The following ROBO2 variants were observed in gnomAD, a reference collection of about 807,000 sequenced individuals.
ROBO2 encodes roundabout homolog 2.
A neutral mutation model predicts 160.8 loss-of-function variants in ROBO2; 53 were observed. That is an observed-to-expected ratio of 0.33 (90% confidence interval 0.26 to 0.41). The LOEUF (loss-of-function observed/expected upper bound fraction) is 0.41. Among genes scored for constraint, ROBO2 ranks in the 10% least tolerant of loss-of-function variants. The pLI is 1.00. For missense variants in ROBO2, 1,577 were observed against 1,722.4 expected (o/e 0.92, Z 1.49); for synonymous variants, 664 against 611.7 (o/e 1.09, Z -1.26).
At chr3:77,329,270 C>G (rs1266506303) in intron 2 of ROBO2, among the ~76,000 whole-genome samples, 1 of 152,206 alleles carries the variant, frequency 6.6e-6, no homozygotes, top group African/African-American at 2.4e-5. Flanking sequence ...GTAAGATCTT[C>G]TAGACGGATA....
chr3:76,486,672 A>G (rs1435661864), intron 2 of ROBO2, among the ~76,000 whole-genome samples: 1 of 152,156 alleles, frequency 6.6e-6, no homozygotes, highest in Non-Finnish European at 1.5e-5. Context: ...TAAATGTATG[A>G]GGGCAAATTC....
At chr3:77,603,342 A>T (rs2094467292) in intron 20 of ROBO2, among the ~76,000 whole-genome samples, 1 of 152,204 alleles carries the variant, frequency 6.6e-6, no homozygotes, top group Non-Finnish European at 1.5e-5. Flanking sequence ...GAATTTTATA[A>T]TAAAAAGATC....
chr3:76,702,247 G>A (rs376190985), intron 2 of ROBO2, among the ~76,000 whole-genome samples: 1 of 151,976 alleles, frequency 6.6e-6, no homozygotes, highest in East Asian at 1.9e-4. Context: ...GTTCCCAGAA[G>A]CCAGTTATGT....
chr3:77,305,099 G>A (rs2062986183), intron 2 of ROBO2, among the ~76,000 whole-genome samples: 1 of 152,114 alleles, frequency 6.6e-6, no homozygotes. Flanking sequence ...GTTAATTTAA[G>A]TACAATTGTA....
At chr3:76,927,156 G>A (rs1398855089) in intron 2 of ROBO2, among the ~76,000 whole-genome samples, 1 of 152,064 alleles carries the variant, frequency 6.6e-6, no homozygotes, top group Non-Finnish European at 1.5e-5. Context: ...GTGATTTGCA[G>A]CTAACAGATG....
At chr3:76,158,758 C>T (rs1445155987) in intron 2 of ROBO2, among the ~76,000 whole-genome samples, 3 of 152,110 alleles carry the variant, frequency 2.0e-5, no homozygotes, top group Non-Finnish European at 4.4e-5. Flanking sequence ...ATCAAGCAAG[C>T]TACCCTTATT....
chr3:77,227,874 T>C (rs1170761070), intron 2 of ROBO2, among the ~76,000 whole-genome samples: 1 of 152,238 alleles, frequency 6.6e-6, no homozygotes, highest in Non-Finnish European at 1.5e-5. Context: ...GAGATTTATT[T>C]TATGACGCTA....
intron 2 of ROBO2, among the ~76,000 whole-genome samples, chr3:76,656,607 G>T (rs948992962): frequency 3.3e-5 from 5 of 151,798 alleles, no homozygotes; most frequent in African/African-American, 1.2e-4. Context: ...CACTTGTAAG[G>T]TTCATTACCT....
intron 2 of ROBO2, among the ~76,000 whole-genome samples, chr3:76,348,612 G>A (rs532282520): frequency 6.6e-6 from 1 of 152,172 alleles, no homozygotes; most frequent in African/African-American, 2.4e-5. Context: ...TAGCCCATTA[G>A]TGCCATGAAA....
chr3:76,874,034 T>A (rs1326158931), intron 2 of ROBO2, among the ~76,000 whole-genome samples: 1 of 152,096 alleles, frequency 6.6e-6, no homozygotes, highest in Non-Finnish European at 1.5e-5. Flanking sequence ...AGAATGTAAA[T>A]TTCCTCCAGT....
chr3:77,148,060 A>G (rs1213905030), intron 2 of ROBO2, among the ~76,000 whole-genome samples: 4 of 152,330 alleles, frequency 2.6e-5, no homozygotes, highest in Non-Finnish European at 4.4e-5. Context: ...TGCATGACTA[A>G]TTTCCTGTCA....
intron 2 of ROBO2, among the ~76,000 whole-genome samples, chr3:76,781,405 C>G (rs1250554559): frequency 6.6e-6 from 1 of 150,712 alleles, no homozygotes. Flanking sequence ...TTATTGCCTT[C>G]CATTGACTAA....
At chr3:76,635,659 A>G (rs911994079) in intron 2 of ROBO2, among the ~76,000 whole-genome samples, 1 of 152,238 alleles carries the variant, frequency 6.6e-6, no homozygotes, top group Non-Finnish European at 1.5e-5. Context: ...GCCAAGCATC[A>G]TAAAAGCTAC....
intron 2 of ROBO2, among the ~76,000 whole-genome samples, chr3:75,952,902 C>T (rs762351060): frequency 3.3e-5 from 5 of 152,020 alleles, no homozygotes; most frequent in Non-Finnish European, 5.9e-5. Context: ...GGTATGTAGA[C>T]TTTTCAGACT....
chr3:76,551,983 G>A (rs1284025135), intron 2 of ROBO2, among the ~76,000 whole-genome samples: 3 of 152,108 alleles, frequency 2.0e-5, no homozygotes, highest in African/African-American at 7.2e-5. Flanking sequence ...TGAGTGGGTG[G>A]AATGAGCCCA....
intron 1 of ROBO2, among the ~76,000 whole-genome samples, chr3:75,912,348 G>T (rs1946633874): frequency 6.6e-6 from 1 of 152,154 alleles, no homozygotes; most frequent in South Asian, 2.1e-4. Context: ...GACAATTCAT[G>T]TATGGACTTC....
At chr3:76,308,147 G>A (rs1416359839) in intron 2 of ROBO2, among the ~76,000 whole-genome samples, 1 of 152,086 alleles carries the variant, frequency 6.6e-6, no homozygotes, top group Non-Finnish European at 1.5e-5. Flanking sequence ...GGGAGGCCAA[G>A]GTGAGTGGAT....
Position 77,250,989 on chromosome 3 carries a change from G to A in ROBO2, c.388+152649G>A, listed in dbSNP as rs181986335. Reference sequence around the variant, plus strand: ...GGGTCATTCAAACATTTCACCCCTGGCTCTCCAGGGTTGCAGTCTCATGTC... The same window carrying A: ...GGGTCATTCAAACATTTCACCCCTGACTCTCCAGGGTTGCAGTCTCATGTC... On this transcript the variant is annotated intron_variant, in intron 2 of 25. Transcript: ENST00000461745. 1.3e-4 allele frequency among the ~76,000 whole-genome samples: 20 copies of A among 152,112 alleles called. No individual in the cohort carries two copies. In the East Asian group the frequency reaches 2.9e-3, roughly 22 times the overall value.
intron 2 of ROBO2, among the ~76,000 whole-genome samples, chr3:76,167,937 A>C (rs1289624550): frequency 2.6e-5 from 4 of 152,162 alleles, no homozygotes; most frequent in Non-Finnish European, 5.9e-5. Flanking sequence ...GAGTCCGTTA[A>C]CAGAGGCTCC....
Sources: allele counts gnomAD v4.1 joint callset (sites outside exome capture counted in the v4.1 genomes callset), GRCh38; gene constraint gnomAD v4.1.1; transcripts MANE v1.5; gene names NCBI Gene and HGNC (gene_info 2026-07-23, HGNC 2026-07-21).